The following LRRC7 variants were observed in gnomAD, a reference collection of about 807,000 sequenced individuals.
The protein encoded by LRRC7 is leucine rich repeat containing 7, also known as leucine-rich repeat-containing protein 7.
LRRC7 carries 23 observed loss-of-function variants against 175.7 expected under a neutral mutation model. The observed-to-expected ratio is 0.13, with a 90% CI of 0.09 to 0.19. The LOEUF (loss-of-function observed/expected upper bound fraction) is 0.19, where lower values mean the gene tolerates loss of function less well. Among genes scored for constraint, LRRC7 ranks in the 10% least tolerant of loss-of-function variants. The pLI is 1.00. For synonymous variants in LRRC7, 685 were observed against 680.9 expected, an observed-to-expected ratio of 1.01 and a Z score of -0.09; for missense variants, 1,354 against 1,904.7, an observed-to-expected ratio of 0.71 and a Z score of 5.38.
At chr1:69,901,608 C>A (rs1646136623) in intron 7 of LRRC7, among the ~76,000 whole-genome samples, 1 of 152,128 alleles carries the variant, frequency 6.6e-6, no homozygotes, top group African/African-American at 2.4e-5. Flanking sequence ...ATTGTCTGAA[C>A]CAGCCTTCTC....
At position 70,076,120 on chromosome 1, in the gene LRRC7, A is replaced by T; in HGVS notation, c.4274A>T (p.Gln1425Leu). 6.2e-7 allele frequency: 1 copy of T among 1,614,026 alleles called. No homozygotes were observed. The highest frequency in any genetic ancestry group is 8.5e-7 in the Non-Finnish European group (1 of 1,179,974). ...ACGTTGATGGGGTCCCAAAGCCTTC[A>T]GCATCGCAGCCGGGAGCAGCAGCCG... ...IQTLMGSQSLQHRSREQQPYE... is the reference protein window; with the variant it reads ...IQTLMGSQSLLHRSREQQPYE... The change falls in exon 24 of 27, where the codon CAG becomes CTG. Residue 1425 changes from glutamine to leucine, a missense_variant. Around this residue, in one of 4 missense-constraint regions of LRRC7, gnomAD observed 1,032 missense variants for 1,227.2 expected, o/e 0.84. Coordinates refer to ENST00000651989, the MANE Select transcript of LRRC7 (RefSeq NM_001370785.2).
chr1:69,599,313 C>A (rs1044214301), intron 1 of LRRC7, among the ~76,000 whole-genome samples: 10 of 152,136 alleles, frequency 6.6e-5, no homozygotes, highest in African/African-American at 1.9e-4. Flanking sequence ...TTTCTTGCCA[C>A]TTATCTTGTT....
At chr1:69,667,198 T>C (rs1036943509) in intron 1 of LRRC7, among the ~76,000 whole-genome samples, 3 of 152,168 alleles carry the variant, frequency 2.0e-5, no homozygotes, top group African/African-American at 7.2e-5. Flanking sequence ...TTTTTGAATG[T>C]TTTAAGACTT....
chr1:69,631,372 A>G (rs1652468191), intron 1 of LRRC7, among the ~76,000 whole-genome samples: 1 of 152,010 alleles, frequency 6.6e-6, no homozygotes, highest in South Asian at 2.1e-4. Context: ...CACGCCTTGA[A>G]CTCAAATCAT....
chr1:69,814,549 T>C (rs887172186), intron 4 of LRRC7, among the ~76,000 whole-genome samples: 1 of 152,176 alleles, frequency 6.6e-6, no homozygotes, highest in Non-Finnish European at 1.5e-5. Context: ...ACTAATTCTT[T>C]CAAATATTAT....
At chr1:69,643,810 G>A (rs1042027111) in intron 1 of LRRC7, among the ~76,000 whole-genome samples, 1 of 151,892 alleles carries the variant, frequency 6.6e-6, no homozygotes, top group Non-Finnish European at 1.5e-5. Flanking sequence ...TGGAAAGAAG[G>A]CCAAGTAACC....
intron 2 of LRRC7, among the ~76,000 whole-genome samples, chr1:69,684,072 A>G (rs1570342576): frequency 6.6e-6 from 1 of 152,198 alleles, no homozygotes; most frequent in African/African-American, 2.4e-5. Flanking sequence ...GAAGTTATTA[A>G]AATATCTGAT....
intron 1 of LRRC7, among the ~76,000 whole-genome samples, chr1:69,635,318 C>T (rs565525394): frequency 3.3e-5 from 5 of 151,898 alleles, no homozygotes; most frequent in Admixed American, 6.6e-5. Flanking sequence ...TTAAGCTTAG[C>T]GAAAGTGATT....
chr1:69,818,065 G>A (rs1053444075), intron 4 of LRRC7, among the ~76,000 whole-genome samples: 6 of 152,006 alleles, frequency 3.9e-5, no homozygotes, highest in Admixed American at 3.9e-4. Flanking sequence ...CACAAAGAGG[G>A]ACCATTCAGC....
At chr1:69,767,445 T>C (rs969110846) in intron 3 of LRRC7, among the ~76,000 whole-genome samples, 1 of 152,000 alleles carries the variant, frequency 6.6e-6, no homozygotes, top group Non-Finnish European at 1.5e-5. Context: ...TAGGGTTTTG[T>C]TTTTTATTTT....
At chr1:69,984,256 G>A (rs764451015) in intron 9 of LRRC7, among the ~76,000 whole-genome samples, 8 of 152,258 alleles carry the variant, frequency 5.3e-5, no homozygotes, top group Middle Eastern at 3.4e-3. Flanking sequence ...CTCCCAAGTG[G>A]TGTCAATGCT....
At chr1:69,916,305 A>C (rs1265293497) in intron 7 of LRRC7, among the ~76,000 whole-genome samples, 3 of 138,512 alleles carry the variant, frequency 2.2e-5, no homozygotes, top group Non-Finnish European at 4.6e-5. Context: ...ATATAAAACT[A>C]TATATATATA....
intron 4 of LRRC7, among the ~76,000 whole-genome samples, chr1:69,809,958 A>G (rs1677627239): frequency 1.3e-5 from 2 of 152,156 alleles, no homozygotes; most frequent in African/African-American, 2.4e-5. Context: ...ACAGTATTCA[A>G]ATAGGAAAAA....
chr1:69,884,983 G>A lies in LRRC7; in HGVS notation c.648-46524G>A, dbSNP rs1196653578. ...GATGAAGCCCACTTGATCATGGTGG[G>A]TAAGCTTTTTGATGTGCTGCTGGAT... On this transcript the variant is annotated intron_variant, in intron 7 of 26. Transcript: ENST00000651989. 3.1e-3 allele frequency among the ~76,000 whole-genome samples: 467 copies of A among 149,380 alleles called. 6 individuals are homozygous for A. Among genetic ancestry groups the A allele is most frequent in the African/African-American group, 0.011 (437 of 39,960 alleles).
intron 3 of LRRC7, among the ~76,000 whole-genome samples, chr1:69,780,573 C>T (rs182841170): frequency 6.6e-4 from 101 of 152,214 alleles, no homozygotes; most frequent in African/African-American, 2.4e-3. Context: ...CAATTGGAAG[C>T]TTACAATTTC....
At chr1:70,068,694 C>T (rs1055316585) in intron 23 of LRRC7, among the ~76,000 whole-genome samples, 17 of 151,822 alleles carry the variant, frequency 1.1e-4, no homozygotes, top group African/African-American at 3.9e-4. Flanking sequence ...TTTCTGAAAG[C>T]GATTGTGTAG....
chr1:69,859,670 A>C (rs768841536), intron 7 of LRRC7, among the ~76,000 whole-genome samples: 13 of 152,024 alleles, frequency 8.6e-5, no homozygotes, highest in Non-Finnish European at 1.8e-4. Flanking sequence ...TTCTTAGCTA[A>C]ATTGTATAAA....
chr1:69,943,911 A>G (rs1330829618), intron 8 of LRRC7, among the ~76,000 whole-genome samples: 3 of 151,502 alleles, frequency 2.0e-5, no homozygotes, highest in Non-Finnish European at 4.4e-5. Flanking sequence ...ATAAAAAATG[A>G]AAGTTTTTTT....
intron 10 of LRRC7, among the ~76,000 whole-genome samples, chr1:69,992,605 G>T: frequency 6.6e-6 from 1 of 152,340 alleles, no homozygotes; most frequent in East Asian, 1.9e-4. Context: ...TGTCCGAAGA[G>T]TATCCTCTTG....
Sources: gnomAD v4.1 joint callset for allele counts (sites outside exome capture counted in the v4.1 genomes callset) on GRCh38, gnomAD v4.1.1 for gene constraint, gnomAD v4.1.1 regional missense constraint, MANE v1.5 for transcripts, NCBI Gene and HGNC (gene_info 2026-07-23, HGNC 2026-07-21) for gene names.